Variants in NRG4 observed in about 807,000 individuals in gnomAD.
NRG4 encodes the protein pro-neuregulin-4, membrane-bound isoform.
In NRG4, 10 loss-of-function variants were observed where a neutral mutation model predicts 15.0. The observed-to-expected ratio is 0.67, with a 90% CI of 0.41 to 1.13. The LOEUF is 1.13. Among genes scored for constraint, NRG4 ranks in the 50% most tolerant of loss-of-function variants. The pLI, the probability that NRG4 is intolerant of heterozygous loss-of-function variation, is 0.00. For synonymous variants in NRG4, 41 were observed against 50.1 expected (o/e 0.82, Z 0.77); for missense variants, 139 against 140.2 (o/e 0.99, Z 0.04).
downstream of NRG4, chr15:75,939,751 T>C (rs1004130134): frequency 6.6e-6 from 1 of 152,052 alleles, no homozygotes; most frequent in African/African-American, 2.4e-5. Context: ...CAATATAATA[T>C]ACTACATTAA....
In NRG4 at chr15:76,002,686, A is replaced by C. The variant is rs138182376; in HGVS notation, c.104+6514T>G. 2.0e-3 allele frequency among the ~76,000 whole-genome samples: 306 copies of C among 152,318 alleles called. 2 individuals carry two copies. The highest frequency in any genetic ancestry group is 7.2e-3 in the African/African-American group (301 of 41,586). ...CACCAACAAATAGAAAGCAATATTA[A>C]TAGCAGAGAGGTAGACATTACAGCA... On this transcript the variant is annotated intron_variant, in intron 3 of 5. Transcript: ENST00000394907.
chr15:75,952,391 A>G (rs2141787527), intron 5 of NRG4, among the ~76,000 whole-genome samples: 1 of 152,286 alleles, frequency 6.6e-6, no homozygotes, highest in South Asian at 2.1e-4. Flanking sequence ...AAGTCCATCC[A>G]TGTTGCAGCA....
At chr15:76,013,279 A>T (rs2034874467), upstream of NRG4, among the ~76,000 whole-genome samples, 1 of 152,026 alleles carries the variant, frequency 6.6e-6, no homozygotes, top group Non-Finnish European at 1.5e-5. Context: ...GTGAGCTGAG[A>T]TTGCACCACT....
chr15:75,941,039 C>T lies in NRG4; in HGVS notation c.*2599G>A, dbSNP rs1280239528. On this transcript the variant is annotated 3_prime_UTR_variant, in exon 6 of 6. Transcript: ENST00000394907. Reference sequence around the variant, plus strand: ...GAGGAAATAATATGCAGTTCACGTACCTAATAAGGATTAAACATCCAGAAT... The same window carrying T: ...GAGGAAATAATATGCAGTTCACGTATCTAATAAGGATTAAACATCCAGAAT... 6.6e-6 allele frequency: 1 copy of T among 151,972 alleles called. No individual in the cohort carries two copies. The highest frequency in any genetic ancestry group is 1.5e-5 in the Non-Finnish European group (1 of 67,936). 9.4% of individuals were successfully genotyped at this position (151,972 alleles called of 1,614,324 possible).
At chr15:75,972,821 TTCTTCTTGTCCAGGACTG>T (rs1220741308) in intron 3 of NRG4, among the ~76,000 whole-genome samples, 1 of 152,208 alleles carries the variant, frequency 6.6e-6, no homozygotes, top group African/African-American at 2.4e-5. Context: ...TTCAGCTTTG[TTCTTCTTGTCCAGGACTG>T]TCTTGGCTAT....
chr15:76,021,949 G>A (rs2035167489), intron 5 of NRG4, among the ~76,000 whole-genome samples: 1 of 152,166 alleles, frequency 6.6e-6, no homozygotes, highest in Non-Finnish European at 1.5e-5. Context: ...TCTACCTCAG[G>A]TCATCTGGCA....
intron 3 of NRG4, among the ~76,000 whole-genome samples, chr15:75,991,222 C>T (rs1342278444): frequency 6.6e-6 from 1 of 152,150 alleles, no homozygotes; most frequent in Admixed American, 6.5e-5. Flanking sequence ...GTTGCAACTA[C>T]TCAACTTTAT....
rs755812813 is a variant in NRG4, at chr15:75,944,768, TGG to T, written c.332-1116_332-1115del. ...AGTAAAAGGCTTTTGTGTGTGTGTG[TGG>T]GGGGGTGGTTATTTGCTTATAGTTA... is the stretch of plus-strand genomic sequence containing the variant. On this transcript the variant is annotated intron_variant, in intron 5 of 5. Coordinates refer to ENST00000394907, the MANE Select transcript of NRG4 (RefSeq NM_138573.4). Among the ~76,000 whole-genome samples, 9 of 115,048 alleles carry T rather than the reference TGG, an allele frequency of 7.8e-5. 1 individual carries two copies. The highest frequency in any genetic ancestry group is 6.2e-4 in the South Asian group (2 of 3,212). 75.5% of individuals were successfully genotyped at this position (115,048 alleles called of 152,430 possible). A position where few individuals can be genotyped will look rare whatever the true frequency, so the allele number is the denominator to read the frequency against.
intron 3 of NRG4, among the ~76,000 whole-genome samples, chr15:75,984,519 C>A (rs913076403): frequency 3.9e-5 from 6 of 152,088 alleles, no homozygotes; most frequent in Non-Finnish European, 8.8e-5. Flanking sequence ...CCATCATTCT[C>A]AGCAAACTAA....
At position 76,009,213 on chromosome 15, in the gene NRG4, T is replaced by G. The variant is rs1474008675; in HGVS notation, c.91A>C (p.Ser31Arg). 1.3e-6 allele frequency: 2 copies of G among 1,565,586 alleles called. No individual in the cohort carries two copies. Among genetic ancestry groups the G allele is most frequent in the Non-Finnish European group, 1.8e-6 (2 of 1,136,018 alleles). The stretch of plus-strand genomic sequence containing the variant: ...CATTTCACTCACCTACAAAATGGGC[T>G]GGGAATAGTAGGTATCACATAACAA... ...GLCYVIPTIPSPFCRCVENYT... is the reference protein window; with the variant it reads ...GLCYVIPTIPRPFCRCVENYT... The change falls in exon 3 of 6, where the codon AGC (serine) becomes CGC (arginine). Residue 31 changes from serine to arginine, a missense_variant. Ser to Arg is a moderately radical substitution (Grantham distance 110, BLOSUM62 -1). Transcript: ENST00000394907.
chr15:76,024,670 T>G (rs1436484603), intron 5 of NRG4, among the ~76,000 whole-genome samples: 4 of 152,206 alleles, frequency 2.6e-5, no homozygotes, highest in Non-Finnish European at 5.9e-5. Context: ...CTGTGCATAC[T>G]CGCACCTTGA....
At chr15:75,959,661 A>AT (rs1045719606) in intron 4 of NRG4, among the ~76,000 whole-genome samples, 6 of 151,152 alleles carry the variant, frequency 4.0e-5, no homozygotes, top group Admixed American at 3.3e-4. Context: ...TGCCCTGCTA[A>AT]TTTTTTTTAT....
At chr15:75,940,401 T>C (rs2141744972), downstream of NRG4, 1 of 151,522 alleles carries the variant, frequency 6.6e-6, no homozygotes, top group Non-Finnish European at 1.5e-5. Flanking sequence ...AATATGTCAG[T>C]ACTACTCAAA....
intron 3 of NRG4, among the ~76,000 whole-genome samples, chr15:75,988,326 C>T (rs2033875964): frequency 6.6e-6 from 1 of 152,192 alleles, no homozygotes; most frequent in Admixed American, 6.5e-5. Context: ...GCTGGGACTA[C>T]AGGCATGCGC....
chr15:76,034,531 C>G (rs1426967667), intron 5 of NRG4, among the ~76,000 whole-genome samples: 1 of 151,858 alleles, frequency 6.6e-6, no homozygotes, highest in Non-Finnish European at 1.5e-5. Flanking sequence ...ACTGGTTTGA[C>G]TTAGAGTGGT....
In NRG4 at chr15:75,959,247, T is replaced by C. The variant is rs552384262; in HGVS notation, c.251+2581A>G. 39 of 229,480 alleles carry C rather than the reference T, an allele frequency of 1.7e-4. 1 individual carries two copies. The highest frequency in any genetic ancestry group is 1.6e-3 in the South Asian group (37 of 23,408). 14.2% of individuals were successfully genotyped at this position (229,480 alleles called of 1,614,324 possible). On this transcript the variant is annotated intron_variant, in intron 4 of 5. Transcript: ENST00000394907. ...AAGTAGTCCTCCCACCTTGGCAGGA[T>C]TACAGGCATGAGCCACAGCACCTGG... is the stretch of plus-strand genomic sequence containing the variant.
upstream of NRG4, among the ~76,000 whole-genome samples, chr15:76,013,505 C>G (rs1030069260): frequency 2.6e-5 from 4 of 152,128 alleles, no homozygotes; most frequent in African/African-American, 7.2e-5. Flanking sequence ...CTTAGCCCCC[C>G]ACCCCGACAG....
chr15:76,017,154 CCT>C (rs1491231741), upstream of NRG4, among the ~76,000 whole-genome samples: 4 of 65,868 alleles, frequency 6.1e-5, no homozygotes, highest in Non-Finnish European at 9.8e-5. Context: ...GCAACCCCTG[CCT>C]TTTTTTTTTT....
chr15:76,013,259 G>A (rs1596024243), upstream of NRG4, among the ~76,000 whole-genome samples: 1 of 151,986 alleles, frequency 6.6e-6, no homozygotes, highest in Admixed American at 6.6e-5. Context: ...CCCGGGAGGC[G>A]GAGCTTGCAG....
Sources: allele counts gnomAD v4.1 joint callset (sites outside exome capture counted in the v4.1 genomes callset), GRCh38; gene constraint gnomAD v4.1.1; transcripts MANE v1.5; gene names NCBI Gene and HGNC (gene_info 2026-07-23, HGNC 2026-07-21).